RNLS: variants seen among roughly 807,000 people sequenced by gnomAD.
RNLS encodes the protein renalase, FAD dependent amine oxidase, also known as renalase.
RNLS carries 39 observed loss-of-function variants against 39.8 expected under a neutral mutation model. The ratio of observed to expected loss-of-function variants is 0.98; its 90% confidence interval spans 0.76 to 1.28. The LOEUF (loss-of-function observed/expected upper bound fraction) is 1.28, where lower values mean the gene tolerates loss of function less well. Among genes scored for constraint, RNLS ranks in the 50% most tolerant of loss-of-function variants. The pLI, the probability that RNLS is intolerant of heterozygous loss-of-function variation, is 0.00. For missense variants in RNLS, 410 were observed against 413.3 expected (o/e 0.99, Z 0.07); for synonymous variants, 147 against 150.7 (o/e 0.98, Z 0.18).
chr10:88,445,379 G>C (rs1841974232), intron 4 of RNLS, among the ~76,000 whole-genome samples: 1 of 152,184 alleles, frequency 6.6e-6, no homozygotes, highest in East Asian at 1.9e-4. Flanking sequence ...AAATTGTAAA[G>C]ACCATCAATG....
At chr10:88,424,039 C>T (rs1014671772) in intron 4 of RNLS, among the ~76,000 whole-genome samples, 2 of 152,156 alleles carry the variant, frequency 1.3e-5, no homozygotes, top group African/African-American at 4.8e-5. Context: ...CACCTCATTT[C>T]CACCCCCTGC....
intron 4 of RNLS, among the ~76,000 whole-genome samples, chr10:88,566,200 A>G (rs1234986926): frequency 1.3e-5 from 2 of 152,094 alleles, no homozygotes; most frequent in Middle Eastern, 3.4e-3. Context: ...ATATATAAAT[A>G]CATACTTTAA....
At chr10:88,514,646 A>G (rs925524087) in intron 4 of RNLS, among the ~76,000 whole-genome samples, 2 of 152,086 alleles carry the variant, frequency 1.3e-5, no homozygotes, top group Non-Finnish European at 2.9e-5. Context: ...GATACCTCAT[A>G]TAAGTGGAAT....
At chr10:88,412,003 A>T (rs1853687004) in intron 4 of RNLS, among the ~76,000 whole-genome samples, 1 of 152,128 alleles carries the variant, frequency 6.6e-6, no homozygotes, top group South Asian at 2.1e-4. Context: ...AGCCTGGGTC[A>T]CATCAGGTTT....
intron 4 of RNLS, among the ~76,000 whole-genome samples, chr10:88,380,977 C>G (rs1436292902): frequency 6.6e-6 from 1 of 152,180 alleles, no homozygotes; most frequent in Admixed American, 6.5e-5. Context: ...TCTAGACTGT[C>G]TATTCTGAAC....
chr10:88,392,819 A>T (rs567365428), intron 4 of RNLS, among the ~76,000 whole-genome samples: 1 of 152,232 alleles, frequency 6.6e-6, no homozygotes, highest in Non-Finnish European at 1.5e-5. Flanking sequence ...TCTCAGGCAC[A>T]TCAAAAAGCT....
At chr10:88,214,015 A>G in the RNLS span, among the ~76,000 whole-genome samples, 20 of 152,160 alleles carry the variant, frequency 1.3e-4, no homozygotes, top group African/African-American at 4.8e-4. Flanking sequence ...TCAGGACTCA[A>G]CAGGATAATC....
chr10:88,236,330 G>T, the RNLS span, among the ~76,000 whole-genome samples: 1 of 152,208 alleles, frequency 6.6e-6, no homozygotes, highest in African/African-American at 2.4e-5. Context: ...AGAGTTCTGA[G>T]CTGGCTCTAT....
At chr10:88,224,716 G>A in the RNLS span, among the ~76,000 whole-genome samples, 3 of 152,130 alleles carry the variant, frequency 2.0e-5, no homozygotes, top group Non-Finnish European at 4.4e-5. Flanking sequence ...TCTTGATTGG[G>A]GTTAATAGGG....
At chr10:88,192,184 T>C in the RNLS span, among the ~76,000 whole-genome samples, 12 of 152,230 alleles carry the variant, frequency 7.9e-5, no homozygotes, top group Non-Finnish European at 1.6e-4. Context: ...TAAAGAAACA[T>C]GCACCACGGG....
chr10:88,320,009 GA>G (rs1444407505), intron 5 of RNLS, among the ~76,000 whole-genome samples: 3 of 150,002 alleles, frequency 2.0e-5, no homozygotes, highest in African/African-American at 4.9e-5. Flanking sequence ...AGGTCAACAT[GA>G]AAAAAAAATT....
At chr10:88,560,760 G>C (rs1342669519) in intron 4 of RNLS, among the ~76,000 whole-genome samples, 1 of 151,888 alleles carries the variant, frequency 6.6e-6, no homozygotes, top group Non-Finnish European at 1.5e-5. Flanking sequence ...GCAACAGAAA[G>C]GTTCATAGGA....
intron 5 of RNLS, among the ~76,000 whole-genome samples, chr10:88,318,312 G>C (rs1474033811): frequency 6.6e-6 from 1 of 152,204 alleles, no homozygotes; most frequent in Non-Finnish European, 1.5e-5. Flanking sequence ...GCCCACTAAA[G>C]TCTCCCTTGG....
At chr10:88,527,114 G>A (rs61852496) in intron 4 of RNLS, among the ~76,000 whole-genome samples, 16,135 of 152,146 alleles carry the variant, frequency 0.11, 1,160 homozygotes, top group Non-Finnish European at 0.16. Flanking sequence ...TCATGTAGGT[G>A]TACAAATCTG....
At chr10:88,537,013 A>G (rs901071155) in intron 4 of RNLS, among the ~76,000 whole-genome samples, 5 of 152,186 alleles carry the variant, frequency 3.3e-5, no homozygotes, top group African/African-American at 1.2e-4. Context: ...CATATTACCA[A>G]TTTTTAAAAG....
rs140198060 is a variant in RNLS, at chr10:88,456,178, A to T, written c.527-93453T>A. Among the ~76,000 whole-genome samples the T allele has an allele frequency of 3.8e-3, 573 of 152,320 alleles. 5 individuals carry two copies. Among genetic ancestry groups the T allele is most frequent in the African/African-American group, 0.013 (546 of 41,580 alleles). On this transcript the variant is annotated intron_variant, in intron 4 of 6. Transcript: ENST00000331772. ...GCAATGTCTCCCCATGCTGGGCACTAAAACTCAAGGTACTCCAAAGTATCT... is the reference window on the plus strand; with the variant it reads ...GCAATGTCTCCCCATGCTGGGCACTTAAACTCAAGGTACTCCAAAGTATCT...
chr10:88,198,674 C>T, the RNLS span, among the ~76,000 whole-genome samples: 2 of 151,998 alleles, frequency 1.3e-5, no homozygotes, highest in Non-Finnish European at 2.9e-5. Flanking sequence ...TGTGTAGCAC[C>T]TCCCCCTTCT....
At chr10:88,341,175 C>T (rs1847928484) in intron 5 of RNLS, among the ~76,000 whole-genome samples, 2 of 150,368 alleles carry the variant, frequency 1.3e-5, no homozygotes, top group South Asian at 4.2e-4. Context: ...ACTAAAAATA[C>T]AAAATTAGCC....
intron 5 of RNLS, among the ~76,000 whole-genome samples, chr10:88,329,850 T>C (rs1467071441): frequency 6.6e-6 from 1 of 151,878 alleles, no homozygotes; most frequent in East Asian, 1.9e-4. Flanking sequence ...TCTATTTGGC[T>C]CTTTTTCAAA....
Sources: gnomAD v4.1 joint callset for allele counts (sites outside exome capture counted in the v4.1 genomes callset) on GRCh38, gnomAD v4.1.1 for gene constraint, MANE v1.5 for transcripts, NCBI Gene and HGNC (gene_info 2026-07-23, HGNC 2026-07-21) for gene names.